Variants in APLP2 observed in about 807,000 individuals in gnomAD.
The protein encoded by APLP2 is amyloid beta precursor like protein 2, also known as CDEI box-binding protein.
APLP2 carries 53 observed loss-of-function variants against 89.9 expected under a neutral mutation model. The ratio of observed to expected loss-of-function variants is 0.59; its 90% confidence interval spans 0.47 to 0.74. APLP2 has a LOEUF of 0.74. Ranked by LOEUF, APLP2 falls within the 30% of genes least tolerant of loss-of-function variation. APLP2 has a pLI of 0.00. For synonymous variants in APLP2, 372 were observed against 348.6 expected (o/e 1.07, Z -0.75); for missense variants, 973 against 975.9 (o/e 1.00, Z 0.04).
At chr11:130,075,274 C>T (rs1391744801) in intron 1 of APLP2, among the ~76,000 whole-genome samples, 3 of 152,168 alleles carry the variant, frequency 2.0e-5, no homozygotes, top group Admixed American at 6.5e-5. Flanking sequence ...CTCAGCCTCC[C>T]GAGTATCTAG....
Position 130,069,921 on chromosome 11 carries a change from G to C in APLP2, c.-57G>C. On this transcript the variant is annotated 5_prime_UTR_variant, in exon 1 of 17. Coordinates refer to ENST00000338167, the MANE Select transcript of APLP2 (RefSeq NM_001142276.2). Reference sequence around the variant, plus strand: ...ATGCTTCTGGGTCGCGGTGTGCTAAGCGAGGAGTCCGAGTGTGTGAGCTTG... The same window carrying C: ...ATGCTTCTGGGTCGCGGTGTGCTAACCGAGGAGTCCGAGTGTGTGAGCTTG... The C allele has an allele frequency of 1.5e-6, 2 of 1,329,344 alleles. No homozygotes were observed. Among genetic ancestry groups the C allele is most frequent in the Non-Finnish European group, 2.0e-6 (2 of 979,348 alleles). The allele number at this position is 1,329,344 out of a possible 1,614,324, so 82.3% of individuals were successfully genotyped here. A position where few individuals can be genotyped will look rare whatever the true frequency, so the allele number is the denominator to read the frequency against.
At chr11:130,116,999 C>T (rs951122441) in intron 3 of APLP2, among the ~76,000 whole-genome samples, 11 of 151,856 alleles carry the variant, frequency 7.2e-5, no homozygotes, top group Non-Finnish European at 1.2e-4. Flanking sequence ...GGTGTGGTGG[C>T]GAACGCCTGT....
At chr11:130,091,596 A>ACC (rs1291170143) in intron 1 of APLP2, among the ~76,000 whole-genome samples, 1 of 113,352 alleles carries the variant, frequency 8.8e-6, no homozygotes, top group African/African-American at 3.6e-5. Flanking sequence ...GGGGGGGCTG[A>ACC]CCCCCCCATC....
At chr11:130,113,958 G>A (rs907534836) in intron 3 of APLP2, among the ~76,000 whole-genome samples, 5 of 152,062 alleles carry the variant, frequency 3.3e-5, no homozygotes, top group African/African-American at 9.7e-5. Context: ...ACACATACTC[G>A]AGGTTTGTTG....
chr11:130,139,755 T>G (rs961939410), intron 13 of APLP2: 18 of 152,272 alleles, frequency 1.2e-4, no homozygotes, highest in African/African-American at 4.3e-4. Flanking sequence ...CGCTTCCTGT[T>G]TATCTTCTAA....
chr11:130,073,141 A>G (rs1251113537), intron 1 of APLP2, among the ~76,000 whole-genome samples: 1 of 152,224 alleles, frequency 6.6e-6, no homozygotes, highest in Non-Finnish European at 1.5e-5. Flanking sequence ...TTCTGAATTG[A>G]GATGTACTGG....
chr11:130,120,680 G>T, intron 3 of APLP2, 26 bp from the exon 4 acceptor site: 1 of 1,549,822 alleles, frequency 6.5e-7, no homozygotes, highest in Non-Finnish European at 8.9e-7. Flanking sequence ...GGTCAGATCC[G>T]CTCTGACAAA....
At position 130,140,571 on chromosome 11, in the gene APLP2, C is replaced by G. The variant is rs534180707; in HGVS notation, c.1923+88C>G. On this transcript the variant is annotated intron_variant, in intron 14 of 16. Transcript: ENST00000338167. ...CTGATGTCAGATGCTTCCAGGTGCA[C>G]GTCTCTGTGTTCGTTTTCCGCACAG... is the stretch of plus-strand genomic sequence containing the variant. 7 of 1,118,364 alleles carry G rather than the reference C, an allele frequency of 6.3e-6. No homozygotes were observed. The African/African-American group carries it at 1.1e-4, about 18-fold the overall frequency. 69.3% of individuals were successfully genotyped at this position (1,118,364 alleles called of 1,614,324 possible). A position where few individuals can be genotyped will look rare whatever the true frequency, so the allele number is the denominator to read the frequency against.
chr11:130,130,040 TC>T lies in APLP2; in HGVS notation c.1459del (p.His487IlefsTer39). 1 of 1,614,182 alleles carries T rather than the reference TC, an allele frequency of 6.2e-7. No individual in the cohort carries two copies. Among genetic ancestry groups the T allele is most frequent in the African/African-American group, 1.3e-5 (1 of 75,072 alleles). ...AAAACAACTGTTCTCTCTTGCAGCC[TC>T]ATCGCATTCTCCAGGCCTTACGGCG... ...AALQSDPPRP[H>X]RILQALRRYV... On this transcript the variant is annotated frameshift_variant, in exon 11 of 17. Transcript: ENST00000338167. LOFTEE classifies it high-confidence loss of function.
intron 1 of APLP2, among the ~76,000 whole-genome samples, chr11:130,077,849 A>G (rs1488448881): frequency 6.6e-6 from 1 of 152,214 alleles, no homozygotes; most frequent in Non-Finnish European, 1.5e-5. Flanking sequence ...TTTGAGCTGA[A>G]AGTAAAGATA....
At chr11:130,107,935 G>A (rs1448296601) in intron 1 of APLP2, among the ~76,000 whole-genome samples, 1 of 152,114 alleles carries the variant, frequency 6.6e-6, no homozygotes, top group Non-Finnish European at 1.5e-5. Flanking sequence ...TCTGATCTTT[G>A]ACAAACCTGA....
At chr11:130,091,331 C>T (rs1945114867) in intron 1 of APLP2, among the ~76,000 whole-genome samples, 2 of 145,780 alleles carry the variant, frequency 1.4e-5, no homozygotes, top group Non-Finnish European at 3.0e-5. Flanking sequence ...ACACCCCCAC[C>T]TCCCTCCCGG....
intron 12 of APLP2, 109 bp from the exon 13 acceptor site, chr11:130,135,454 A>C (rs1178115605): frequency 7.9e-7 from 1 of 1,273,704 alleles, no homozygotes; most frequent in Non-Finnish European, 1.1e-6. Flanking sequence ...AAGGTGTTTC[A>C]GGCAGGAACT....
intron 14 of APLP2, 121 bp downstream of exon 14, chr11:130,140,604 T>C: frequency 1.4e-6 from 1 of 707,546 alleles, no homozygotes. Flanking sequence ...CAGTAGAAGG[T>C]TGGAGGGCTC....
At chr11:130,140,200 T>G (rs1952182844) in intron 13 of APLP2, among the ~76,000 whole-genome samples, 198 bp from the exon 14 acceptor site, 1 of 152,214 alleles carries the variant, frequency 6.6e-6, no homozygotes, top group South Asian at 2.1e-4. Flanking sequence ...TACCCATTGG[T>G]CTCTGCAAAT....
At chr11:130,115,263 T>C (rs1291063728) in intron 3 of APLP2, among the ~76,000 whole-genome samples, 1 of 152,190 alleles carries the variant, frequency 6.6e-6, no homozygotes, top group Non-Finnish European at 1.5e-5. Flanking sequence ...ATTTATGGAG[T>C]ACACGAGATA....
At chr11:130,120,025 C>T (rs1172528861) in intron 3 of APLP2, among the ~76,000 whole-genome samples, 1 of 152,032 alleles carries the variant, frequency 6.6e-6, no homozygotes, top group Admixed American at 6.6e-5. Flanking sequence ...AATGTAATGT[C>T]CCTGAGTTTG....
intron 1 of APLP2, among the ~76,000 whole-genome samples, chr11:130,081,597 A>G (rs1424207293): frequency 6.6e-6 from 1 of 152,224 alleles, no homozygotes; most frequent in Non-Finnish European, 1.5e-5. Context: ...AGGAATGCCT[A>G]TAAAATGCTG....
At chr11:130,076,997 A>G (rs569021705) in intron 1 of APLP2, among the ~76,000 whole-genome samples, 1 of 152,324 alleles carries the variant, frequency 6.6e-6, no homozygotes, top group South Asian at 2.1e-4. Flanking sequence ...GGCTTATCAG[A>G]TGGTGATACC....
Sources: allele counts gnomAD v4.1 joint callset (sites outside exome capture counted in the v4.1 genomes callset), GRCh38; gene constraint gnomAD v4.1.1; transcripts MANE v1.5; gene names NCBI Gene and HGNC (gene_info 2026-07-23, HGNC 2026-07-21).